Variants in CNTN5 observed in about 807,000 individuals in gnomAD.
CNTN5 encodes contactin 5.
CNTN5 carries 77 observed loss-of-function variants against 129.1 expected under a neutral mutation model. The ratio of observed to expected loss-of-function variants is 0.60; its 90% confidence interval spans 0.50 to 0.72. The LOEUF (loss-of-function observed/expected upper bound fraction) is 0.72, where lower values mean the gene tolerates loss of function less well. Ranked by LOEUF, CNTN5 falls within the 30% of genes least tolerant of loss-of-function variation. CNTN5 has a pLI of 0.00. For synonymous variants in CNTN5, 509 were observed against 465.6 expected (o/e 1.09, Z -1.20); for missense variants, 1,478 against 1,328.8 (o/e 1.11, Z -1.75).
chr11:100,121,801 T>C (rs1946032843), intron 13 of CNTN5, among the ~76,000 whole-genome samples: 1 of 151,502 alleles, frequency 6.6e-6, no homozygotes, highest in Non-Finnish European at 1.5e-5. Context: ...AAAAATCAAG[T>C]AAAAAACATA....
intron 1 of CNTN5, among the ~76,000 whole-genome samples, chr11:99,105,925 C>A (rs1039366857): frequency 6.6e-6 from 1 of 152,078 alleles, no homozygotes; most frequent in Non-Finnish European, 1.5e-5. Flanking sequence ...AAAATAATTT[C>A]TATTTAAGGA....
chr11:99,258,009 T>C (rs1416822606), intron 1 of CNTN5, among the ~76,000 whole-genome samples: 1 of 151,786 alleles, frequency 6.6e-6, no homozygotes, highest in East Asian at 1.9e-4. Flanking sequence ...AATTCCTTGT[T>C]CTTCATGCTA....
chr11:100,293,190 T>A (rs551710992), intron 18 of CNTN5, among the ~76,000 whole-genome samples: 24 of 151,996 alleles, frequency 1.6e-4, no homozygotes, highest in Non-Finnish European at 2.7e-4. Flanking sequence ...TGTGGATCCA[T>A]ATAAACAAAG....
chr11:99,293,052 G>C (rs987658667), intron 1 of CNTN5, among the ~76,000 whole-genome samples: 2 of 152,130 alleles, frequency 1.3e-5, no homozygotes, highest in African/African-American at 4.8e-5. Context: ...TCAATAAGAA[G>C]TTAACTGTGG....
chr11:99,618,914 CTGTT>C (rs146473129), intron 3 of CNTN5, among the ~76,000 whole-genome samples: 1,642 of 151,422 alleles, frequency 0.011, 33 homozygotes, highest in African/African-American at 0.036. Flanking sequence ...AGATATTAAA[CTGTT>C]TGGCTAACCC....
intron 1 of CNTN5, among the ~76,000 whole-genome samples, chr11:99,297,991 A>G (rs1864461057): frequency 6.6e-6 from 1 of 152,104 alleles, no homozygotes; most frequent in Non-Finnish European, 1.5e-5. Context: ...AAATTTGCTC[A>G]AAGAAACTCG....
At chr11:99,067,388 A>T (rs1463881734) in intron 1 of CNTN5, among the ~76,000 whole-genome samples, 4 of 150,928 alleles carry the variant, frequency 2.7e-5, no homozygotes, top group South Asian at 2.1e-4. Flanking sequence ...CTGCCAATGG[A>T]GACATGTGCA....
intron 8 of CNTN5, among the ~76,000 whole-genome samples, chr11:99,995,533 A>G (rs780416533): frequency 2.6e-5 from 4 of 152,164 alleles, no homozygotes; most frequent in Admixed American, 6.5e-5. Flanking sequence ...TGTCCAGTGT[A>G]TATGACCTTC....
intron 1 of CNTN5, among the ~76,000 whole-genome samples, chr11:99,147,827 A>G (rs1394310009): frequency 6.6e-6 from 1 of 152,160 alleles, no homozygotes. Flanking sequence ...ATTTAATCAC[A>G]GAAAGCCATG....
chr11:99,426,705 G>A (rs544891822), intron 2 of CNTN5, among the ~76,000 whole-genome samples: 10 of 152,046 alleles, frequency 6.6e-5, no homozygotes, highest in Non-Finnish European at 1.3e-4. Context: ...CTGCGTCCAC[G>A]TCTTCCATGT....
chr11:99,830,279 A>G (rs544520441), intron 4 of CNTN5, among the ~76,000 whole-genome samples: 4 of 152,268 alleles, frequency 2.6e-5, no homozygotes, highest in Non-Finnish European at 4.4e-5. Context: ...GGTAAACACA[A>G]TCTGCACTTT....
At chr11:99,128,744 C>T (rs538772382) in intron 1 of CNTN5, among the ~76,000 whole-genome samples, 1 of 152,180 alleles carries the variant, frequency 6.6e-6, no homozygotes, top group African/African-American at 2.4e-5. Context: ...CGGTGCCCCT[C>T]TGGGATGAAG....
intron 9 of CNTN5, among the ~76,000 whole-genome samples, chr11:100,055,315 G>A (rs2137768199): frequency 6.6e-6 from 1 of 151,488 alleles, no homozygotes; most frequent in Middle Eastern, 3.4e-3. Flanking sequence ...TTTTTGATCA[G>A]TATTTTAGTA....
intron 1 of CNTN5, among the ~76,000 whole-genome samples, chr11:99,028,532 A>T (rs1407422800): frequency 6.6e-6 from 1 of 151,866 alleles, no homozygotes; most frequent in African/African-American, 2.4e-5. Flanking sequence ...TCATGCTAAC[A>T]TTAGTTCTCT....
At chr11:100,060,100 C>CTGTGGGAATGCCAG (rs1591156131) in intron 9 of CNTN5, among the ~76,000 whole-genome samples, 2 of 151,566 alleles carry the variant, frequency 1.3e-5, no homozygotes, top group East Asian at 3.9e-4. Flanking sequence ...ATCCCAGCTA[C>CTGTGGGAATGCCAG]TTGGGAAACT....
intron 1 of CNTN5, among the ~76,000 whole-genome samples, chr11:99,252,733 A>AT (rs1565439593): frequency 6.6e-6 from 1 of 151,898 alleles, no homozygotes; most frequent in African/African-American, 2.4e-5. Context: ...GATTCTTTAT[A>AT]TTTTTTGTTC....
intron 1 of CNTN5, among the ~76,000 whole-genome samples, chr11:99,123,771 C>T (rs1362543804): frequency 2.6e-5 from 4 of 151,918 alleles, no homozygotes; most frequent in South Asian, 4.2e-4. Context: ...CTATGGCTAG[C>T]CAGTTATCCT....
At chr11:99,667,881 C>G (rs996353265) in intron 3 of CNTN5, among the ~76,000 whole-genome samples, 1 of 151,986 alleles carries the variant, frequency 6.6e-6, no homozygotes. Context: ...GTGTAACAAA[C>G]CACCATGGCA....
intron 2 of CNTN5, among the ~76,000 whole-genome samples, chr11:99,443,312 T>A (rs1310533921): frequency 6.6e-6 from 1 of 152,214 alleles, no homozygotes; most frequent in Non-Finnish European, 1.5e-5. Flanking sequence ...CCTTTTTCCT[T>A]TTTATCTATG....
Sources: gnomAD v4.1 joint callset for allele counts (sites outside exome capture counted in the v4.1 genomes callset) on GRCh38, gnomAD v4.1.1 for gene constraint, MANE v1.5 for transcripts, NCBI Gene and HGNC (gene_info 2026-07-23, HGNC 2026-07-21) for gene names.